MAGI1: variants seen among roughly 807,000 people sequenced by gnomAD.
MAGI1 encodes membrane-associated guanylate kinase, WW and PDZ domain-containing protein 1.
In MAGI1, 58 loss-of-function variants were observed where a neutral mutation model predicts 139.9. The observed-to-expected ratio is 0.41, with a 90% CI of 0.34 to 0.52. The LOEUF (loss-of-function observed/expected upper bound fraction) is 0.52, where lower values mean the gene tolerates loss of function less well. Ranked by LOEUF, MAGI1 falls within the 20% of genes least tolerant of loss-of-function variation. The pLI is 0.12. For synonymous variants in MAGI1, 812 were observed against 737.9 expected, an observed-to-expected ratio of 1.10 and a Z score of -1.63; for missense variants, 1,874 against 1,901.6, an observed-to-expected ratio of 0.99 and a Z score of 0.27.
At chr3:65,548,327 T>C (rs1026278295) in intron 2 of MAGI1, among the ~76,000 whole-genome samples, 3 of 151,980 alleles carry the variant, frequency 2.0e-5, no homozygotes, top group Non-Finnish European at 2.9e-5. Context: ...AGAGGGGCAG[T>C]TGGCACACAG....
At chr3:65,871,655 G>A (rs890310394) in intron 1 of MAGI1, among the ~76,000 whole-genome samples, 4 of 152,170 alleles carry the variant, frequency 2.6e-5, no homozygotes, top group Admixed American at 6.5e-5. Flanking sequence ...TCAGGGATCC[G>A]GCTTAGGAAA....
intron 1 of MAGI1, among the ~76,000 whole-genome samples, chr3:65,740,552 G>A (rs1056560190): frequency 3.3e-5 from 5 of 152,180 alleles, no homozygotes; most frequent in African/African-American, 1.2e-4. Flanking sequence ...TGGCTGTAGG[G>A]CCACACATTA....
intron 1 of MAGI1, among the ~76,000 whole-genome samples, chr3:66,023,732 T>C (rs2107562681): frequency 6.6e-6 from 1 of 152,336 alleles, no homozygotes; most frequent in East Asian, 1.9e-4. Flanking sequence ...CTAAATGGTA[T>C]ACATAAACTT....
intron 1 of MAGI1, among the ~76,000 whole-genome samples, chr3:65,745,040 A>G (rs746186220): frequency 8.8e-4 from 134 of 152,158 alleles, no homozygotes; most frequent in Non-Finnish European, 9.9e-4. Flanking sequence ...TCTTCCATAC[A>G]AGCAGAATCA....
chr3:65,791,740 T>G (rs2039788656), intron 1 of MAGI1, among the ~76,000 whole-genome samples: 1 of 152,100 alleles, frequency 6.6e-6, no homozygotes, highest in Non-Finnish European at 1.5e-5. Flanking sequence ...GTGTGTGTGT[T>G]TTTCCATTTG....
chr3:65,774,351 T>C (rs1387666494), intron 1 of MAGI1, among the ~76,000 whole-genome samples: 1 of 152,218 alleles, frequency 6.6e-6, no homozygotes, highest in Non-Finnish European at 1.5e-5. Flanking sequence ...GTGATGTTTT[T>C]CACCCATGAA....
At chr3:65,656,915 TTGAACA>T (rs1553686766) in intron 1 of MAGI1, among the ~76,000 whole-genome samples, 1 of 143,810 alleles carries the variant, frequency 7.0e-6, no homozygotes, top group Non-Finnish European at 1.5e-5. Context: ...GCAGAATTAC[TTGAACA>T]GTGAGCCAAG....
intron 22 of MAGI1, chr3:65,360,682 G>C (rs1030282091): frequency 1.0e-6 from 1 of 987,246 alleles, no homozygotes; most frequent in Non-Finnish European, 1.2e-6. Flanking sequence ...TAAGACACCA[G>C]TTGGGGGATG....
intron 1 of MAGI1, among the ~76,000 whole-genome samples, chr3:65,824,358 G>T (rs2042112060): frequency 6.6e-6 from 1 of 152,098 alleles, no homozygotes; most frequent in Non-Finnish European, 1.5e-5. Flanking sequence ...ATTCCTAGGT[G>T]GCCAAGAGTG....
At chr3:65,977,853 C>T (rs2065345689) in intron 1 of MAGI1, among the ~76,000 whole-genome samples, 1 of 152,182 alleles carries the variant, frequency 6.6e-6, no homozygotes, top group African/African-American at 2.4e-5. Context: ...TTCTTTGCCG[C>T]CTCGGTGAAT....
At chr3:65,628,683 G>C (rs774444793) in intron 1 of MAGI1, among the ~76,000 whole-genome samples, 3 of 152,150 alleles carry the variant, frequency 2.0e-5, no homozygotes, top group Admixed American at 6.5e-5. Flanking sequence ...TCCCTGAAAT[G>C]CAAGTTCCCA....
At chr3:65,779,621 C>T (rs898643053) in intron 1 of MAGI1, among the ~76,000 whole-genome samples, 3 of 152,210 alleles carry the variant, frequency 2.0e-5, no homozygotes, top group Non-Finnish European at 4.4e-5. Context: ...CTGCCCCTTC[C>T]CAGAAAAACT....
At chr3:65,369,328 A>G (rs1417973352) in intron 18 of MAGI1, among the ~76,000 whole-genome samples, 1 of 152,144 alleles carries the variant, frequency 6.6e-6, no homozygotes, top group African/African-American at 2.4e-5. Context: ...GAGGGAAACT[A>G]AAGACTGAGA....
chr3:65,772,092 AG>A (rs1236686763), intron 1 of MAGI1, among the ~76,000 whole-genome samples: 1 of 152,024 alleles, frequency 6.6e-6, no homozygotes, highest in Non-Finnish European at 1.5e-5. Context: ...TCCCAGGGAG[AG>A]GGTGAGGCAG....
At position 65,460,752 on chromosome 3, in the gene MAGI1, T is replaced by C. The variant is rs143178185; in HGVS notation, c.960-7412A>G. On this transcript the variant is annotated intron_variant, in intron 5 of 22. Transcript: ENST00000402939. ...TGTGATGTTCCCCTCCCTGTGCCCA[T>C]ATGTCCTCATTGTTCAACTCCCACT... 4.4e-3 allele frequency among the ~76,000 whole-genome samples: 662 copies of C among 152,150 alleles called. 1 individual carries two copies. Among genetic ancestry groups the C allele is most frequent in the Non-Finnish European group, 7.2e-3 (493 of 68,002 alleles).
chr3:65,861,063 C>G (rs1279491659), intron 1 of MAGI1, among the ~76,000 whole-genome samples: 2 of 152,120 alleles, frequency 1.3e-5, no homozygotes, highest in African/African-American at 2.4e-5. Flanking sequence ...GTGAGAGGGA[C>G]AGCCAAAGCA....
chr3:65,982,426 T>C (rs945489683), intron 1 of MAGI1, among the ~76,000 whole-genome samples: 1 of 152,200 alleles, frequency 6.6e-6, no homozygotes, highest in Admixed American at 6.5e-5. Flanking sequence ...ACCAGGGAAA[T>C]GCTTCATGCC....
At chr3:65,559,254 T>C (rs2080226855) in intron 2 of MAGI1, among the ~76,000 whole-genome samples, 1 of 152,238 alleles carries the variant, frequency 6.6e-6, no homozygotes, top group African/African-American at 2.4e-5. Flanking sequence ...AATAACATTA[T>C]GTTCCAAATT....
chr3:65,723,593 G>A (rs1175919189), intron 1 of MAGI1, among the ~76,000 whole-genome samples: 2 of 152,120 alleles, frequency 1.3e-5, no homozygotes, highest in Non-Finnish European at 2.9e-5. Flanking sequence ...AGGGGACTGA[G>A]TTCTATAGAT....
Sources: allele counts gnomAD v4.1 joint callset (sites outside exome capture counted in the v4.1 genomes callset), GRCh38; gene constraint gnomAD v4.1.1; transcripts MANE v1.5; gene names NCBI Gene and HGNC (gene_info 2026-07-23, HGNC 2026-07-21).